Variants in ELOB observed in about 807,000 individuals in gnomAD.
The protein encoded by ELOB is elongin B, also known as elongin-B.
Under a neutral mutation model 12.9 loss-of-function variants are expected in ELOB, and 3 were observed. The ratio of observed to expected loss-of-function variants is 0.23; its 90% CI spans 0.11 to 0.60. The LOEUF is 0.60. Among genes scored for constraint, ELOB ranks in the 20% least tolerant of loss-of-function variants. The pLI, the probability that ELOB is intolerant of heterozygous loss-of-function variation, is 0.89. For synonymous variants in ELOB, 84 were observed against 67.4 expected, an observed-to-expected ratio of 1.25 and a Z score of -1.21; for missense variants, 126 against 159.2, an observed-to-expected ratio of 0.79 and a Z score of 1.12.
intron 3 of ELOB, 87 bp from the exon 4 acceptor site, chr16:2,772,189 C>T: frequency 7.0e-7 from 1 of 1,420,566 alleles, no homozygotes; most frequent in Non-Finnish European, 9.4e-7. Flanking sequence ...TCATCTGCAG[C>T]TTTGGGGATC....
At chr16:2,775,686 G>A (rs1430681960) in intron 2 of ELOB, 130 bp from the exon 3 acceptor site, 12 of 610,284 alleles carry the variant, frequency 2.0e-5, no homozygotes, top group Non-Finnish European at 2.8e-5. Context: ...GGACCACCAC[G>A]CTGCTTGACA....
chr16:2,772,032 G>A lies in ELOB; in HGVS notation c.315C>T (p.Pro105=), dbSNP rs1433827852. 1.2e-6 allele frequency: 2 copies of A among 1,613,490 alleles called. No homozygotes were observed. Among genetic ancestry groups the A allele is most frequent in the Non-Finnish European group, 1.7e-6 (2 of 1,179,752 alleles). ...CATTGGCACTGCTTCCCGAGTCCTGGGGCTTCATCACATCGGGCAGCTCTG... is the reference window on the plus strand; with the variant it reads ...CATTGGCACTGCTTCCCGAGTCCTGAGGCTTCATCACATCGGGCAGCTCTG... ...SPPELPDVMK[P]QDSGSSANEQ... The change falls in exon 4 of 4, where the codon CCC becomes CCT. Residue 105 remains proline, a synonymous_variant. Coordinates refer to ENST00000409906, the MANE Select transcript of ELOB (RefSeq NM_007108.4).
At chr16:2,773,366 G>A (rs905229637) in intron 3 of ELOB, among the ~76,000 whole-genome samples, 8 of 152,148 alleles carry the variant, frequency 5.3e-5, no homozygotes, top group African/African-American at 9.7e-5. Context: ...CCACTGTGCC[G>A]AGGTTCAGAA....
intron 2 of ELOB, among the ~76,000 whole-genome samples, chr16:2,775,837 T>C (rs992315959): frequency 6.6e-6 from 1 of 152,276 alleles, no homozygotes; most frequent in African/African-American, 2.4e-5. Context: ...TAGGCAGACC[T>C]GGCTTTCAAT....
chr16:2,775,674 C>T, intron 2 of ELOB, 118 bp from the exon 3 acceptor site: 2 of 671,852 alleles, frequency 3.0e-6, no homozygotes, highest in Non-Finnish European at 5.0e-6. Context: ...CAGTGTGGCC[C>T]AGGACCACCA....
intron 2 of ELOB, 139 bp from the exon 3 acceptor site, chr16:2,775,695 C>T: frequency 1.7e-6 from 1 of 583,910 alleles, no homozygotes; most frequent in South Asian, 2.2e-5. Context: ...CGCTGCTTGA[C>T]AAATACACAG....
rs764787422 is a variant in ELOB at position 2,771,638 on chromosome 16, G to A, written c.*352C>T. On this transcript the variant is annotated 3_prime_UTR_variant, in exon 4 of 4. Transcript: ENST00000409906. ...GTGGGGGGCACTTAGAAGGAGAAAG[G>A]CCTAAAACTGGAATCTCTTGTCCCT... 30 of 1,613,100 alleles carry A rather than the reference G, an allele frequency of 1.9e-5. No individual in the cohort carries two copies. The highest frequency in any genetic ancestry group is 5.0e-5 in the Admixed American group (3 of 59,972).
At chr16:2,772,449 CTT>C (rs1031505881) in intron 3 of ELOB, 1 of 159,094 alleles carries the variant, frequency 6.3e-6, no homozygotes, top group African/African-American at 2.4e-5. Flanking sequence ...CCTTCACACA[CTT>C]TGGGAGGCCG....
chr16:2,774,204 T>TA (rs1242071119), intron 3 of ELOB, among the ~76,000 whole-genome samples: 2 of 148,316 alleles, frequency 1.3e-5, no homozygotes, highest in Non-Finnish European at 3.0e-5. Context: ...CACTCCAGCC[T>TA]AGACAACGGA....
Position 2,771,838 on chromosome 16 carries a change from G to C in ELOB, c.*152C>G. ...TCTCAGCCAGGGTCTCAGGATCTGG[G>C]AGACAGGACAGCACAGGAACTGCCA... On this transcript the variant is annotated 3_prime_UTR_variant, in exon 4 of 4. Coordinates refer to ENST00000409906, the MANE Select transcript of ELOB (RefSeq NM_007108.4). 2.8e-6 allele frequency: 4 copies of C among 1,453,376 alleles called. No homozygotes were observed. The highest frequency in any genetic ancestry group is 3.6e-6 in the Non-Finnish European group (4 of 1,105,898). 90.0% of individuals were successfully genotyped at this position (1,453,376 alleles called of 1,614,324 possible). A position where few individuals can be genotyped will look rare whatever the true frequency, so the allele number is the denominator to read the frequency against.
chr16:2,773,791 C>G (rs962195780), intron 3 of ELOB, among the ~76,000 whole-genome samples: 1 of 152,192 alleles, frequency 6.6e-6, no homozygotes, highest in Non-Finnish European at 1.5e-5. Context: ...CAAAATGGGT[C>G]TATCAGTATC....
chr16:2,775,473 T>C lies in ELOB; in HGVS notation c.222A>G (p.Thr74=), dbSNP rs779775754. ...CACCTGCCCGGAAGGCCAGCCCCAC[T>C]GTGGCTGGGGCCTGTGGCCGTGCTG... ...SQTARPQAPA[T]VGLAFRADDT... is the part of the protein sequence containing the mutation. The change falls in exon 3 of 4, where the codon ACA becomes ACG. Residue 74 remains threonine (T), a synonymous_variant. Transcript: ENST00000409906. The C allele has an allele frequency of 6.2e-7, 1 of 1,604,786 alleles. No homozygotes were observed. The highest frequency in any genetic ancestry group is 8.5e-7 in the Non-Finnish European group (1 of 1,179,560).
intron 3 of ELOB, 199 bp from the exon 4 acceptor site, chr16:2,772,301 G>A (rs1389506870): frequency 5.6e-6 from 3 of 534,046 alleles, no homozygotes; most frequent in East Asian, 8.0e-5. Context: ...ACCCCTGTGG[G>A]CCCAACCTGA....
At position 2,771,954 on chromosome 16, in the gene ELOB, C is replaced by T. The variant is rs761240436; in HGVS notation, c.*36G>A. 31 of 1,589,556 alleles carry T rather than the reference C, an allele frequency of 2.0e-5. No individual in the cohort carries two copies. In the Admixed American group the frequency reaches 5.6e-4, roughly 29 times the overall value. On this transcript the variant is annotated 3_prime_UTR_variant, in exon 4 of 4. Coordinates refer to ENST00000409906, the MANE Select transcript of ELOB (RefSeq NM_007108.4). ...GCAGCAACCAGGCAGACTCCCAAAT[C>T]TCTTTTATTGGGGGAAATGGGCCTC... is the stretch of plus-strand genomic sequence containing the variant.
At chr16:2,776,728 C>A (rs1011582328) in intron 2 of ELOB, among the ~76,000 whole-genome samples, 6 of 152,248 alleles carry the variant, frequency 3.9e-5, no homozygotes, top group Admixed American at 2.6e-4. Flanking sequence ...AACTGCACGG[C>A]GCGGGCGATA....
intron 3 of ELOB, 28 bp from the exon 4 acceptor site, chr16:2,772,130 G>A (rs751833850): frequency 6.4e-7 from 1 of 1,562,646 alleles, no homozygotes; most frequent in Non-Finnish European, 8.7e-7. Context: ...GAGCTGCAGG[G>A]GGGTATTCCA....
chr16:2,773,405 G>A (rs892617838), intron 3 of ELOB, among the ~76,000 whole-genome samples: 1 of 152,178 alleles, frequency 6.6e-6, no homozygotes, highest in Admixed American at 6.5e-5. Flanking sequence ...CCACAAACCT[G>A]TGACAATTCG....
At chr16:2,772,159 G>C in intron 3 of ELOB, 57 bp from the exon 4 acceptor site, 8 of 1,508,044 alleles carry the variant, frequency 5.3e-6, no homozygotes, top group Non-Finnish European at 7.1e-6. Flanking sequence ...CCCAGCTGGG[G>C]CCTTGGTGTT....
rs533452752 is a variant in ELOB, at chr16:2,772,024, G to A, written c.323C>T (p.Ser108Leu). 18 of 1,613,276 alleles carry A rather than the reference G, an allele frequency of 1.1e-5. No homozygotes were observed. The highest frequency in any genetic ancestry group is 2.2e-5 in the East Asian group (1 of 44,850). ...ELPDVMKPQD[S>L]GSSANEQAVQ is the part of the protein sequence containing the mutation. ...GGCTTGTTCATTGGCACTGCTTCCC[G>A]AGTCCTGGGGCTTCATCACATCGGG... The change falls in exon 4 of 4, where the codon TCG (serine) becomes TTG (leucine). Residue 108 changes from serine (S) to leucine (L), a missense_variant. Physicochemically the swap from Ser to Leu is moderately radical, Grantham distance 145 (BLOSUM62 -2). Coordinates refer to ENST00000409906, the MANE Select transcript of ELOB (RefSeq NM_007108.4).
Sources: gnomAD v4.1 joint callset for allele counts (sites outside exome capture counted in the v4.1 genomes callset) on GRCh38, gnomAD v4.1.1 for gene constraint, MANE v1.5 for transcripts, NCBI Gene and HGNC (gene_info 2026-07-23, HGNC 2026-07-21) for gene names.